DOCK2: variants seen among roughly 807,000 people sequenced by gnomAD.
The protein encoded by DOCK2 is dedicator of cytokinesis 2, also known as dedicator of cytokinesis protein 2.
Under a neutral mutation model 248.9 loss-of-function variants are expected in DOCK2, and 87 were observed. That is an observed-to-expected ratio of 0.35 (90% CI 0.29 to 0.42). The LOEUF (loss-of-function observed/expected upper bound fraction) is 0.42. Among genes scored for constraint, DOCK2 ranks in the 10% least tolerant of loss-of-function variants. The probability of loss-of-function intolerance (pLI) is 1.00; values close to 1 mark genes in which losing one functional copy is unlikely to be tolerated. For missense variants in DOCK2, 1,747 were observed against 2,300.2 expected (o/e 0.76, Z 4.92); for synonymous variants, 805 against 821.6 (o/e 0.98, Z 0.35).
At chr5:170,035,496 C>T (rs375950817) in intron 35 of DOCK2, among the ~76,000 whole-genome samples, 7 of 152,152 alleles carry the variant, frequency 4.6e-5, no homozygotes, top group Middle Eastern at 3.2e-3. Context: ...TTGCTAATAA[C>T]TCCACCAGGC....
chr5:169,814,251 C>T (rs1031339160), intron 26 of DOCK2, among the ~76,000 whole-genome samples: 2 of 152,148 alleles, frequency 1.3e-5, no homozygotes, highest in South Asian at 2.1e-4. Flanking sequence ...CCTCCTGACA[C>T]GATGCACTGA....
At chr5:169,881,429 G>A in intron 27 of DOCK2, 3 of 1,551,458 alleles carry the variant, frequency 1.9e-6, no homozygotes, top group Non-Finnish European at 1.7e-6. Context: ...TGGCCAGTTC[G>A]ATAAAAGTTG....
intron 27 of DOCK2, among the ~76,000 whole-genome samples, chr5:169,956,692 T>G (rs1258812791): frequency 1.3e-5 from 2 of 152,212 alleles, no homozygotes; most frequent in African/African-American, 4.8e-5. Context: ...GGGGATGCCC[T>G]TAAATTCACC....
Position 169,759,903 on chromosome 5 carries a change from A to T in DOCK2, c.2447+128A>T, listed in dbSNP as rs1262751785. The T allele has an allele frequency of 9.1e-6, 9 of 992,142 alleles. No individual in the cohort carries two copies. In the African/African-American group the frequency reaches 9.8e-5, roughly 11 times the overall value. The allele number at this position is 992,142 out of a possible 1,614,324, so 61.5% of individuals were successfully genotyped here. On this transcript the variant is annotated intron_variant, in intron 24 of 51. Coordinates refer to ENST00000520908, the MANE Select transcript of DOCK2 (RefSeq NM_004946.3). ...GGATGGGGAAGACCTGTGGCAGGGG[A>T]TGTTTTCAGGGTTTCCGGTGTGGTA...
intron 36 of DOCK2, among the ~76,000 whole-genome samples, chr5:170,039,634 C>A (rs1756446556): frequency 6.6e-6 from 1 of 152,232 alleles, no homozygotes. Context: ...TTTCAGGCAG[C>A]CTACATTTGA....
intron 27 of DOCK2, among the ~76,000 whole-genome samples, chr5:169,978,509 A>C (rs1051723666): frequency 6.6e-6 from 1 of 151,858 alleles, no homozygotes; most frequent in Non-Finnish European, 1.5e-5. Flanking sequence ...GATGATGATG[A>C]ATTTTTTAAT....
chr5:170,038,036 A>G (rs1756381047), intron 36 of DOCK2, among the ~76,000 whole-genome samples: 1 of 152,144 alleles, frequency 6.6e-6, no homozygotes, highest in African/African-American at 2.4e-5. Flanking sequence ...GGTTGTCCTG[A>G]GTTTGGGATA....
intron 32 of DOCK2, among the ~76,000 whole-genome samples, chr5:170,015,543 C>T (rs540293552): frequency 6.7e-6 from 1 of 149,472 alleles, no homozygotes; most frequent in African/African-American, 2.5e-5. Context: ...TCTGTCTTCC[C>T]CTTTTGAACT....
At chr5:170,009,048 G>A (rs1009255409) in intron 32 of DOCK2, among the ~76,000 whole-genome samples, 3 of 151,898 alleles carry the variant, frequency 2.0e-5, no homozygotes, top group East Asian at 1.9e-4. Flanking sequence ...GGGAACTCAC[G>A]TGCTCACACA....
chr5:170,069,246 A>G, intron 46 of DOCK2, 26 bp downstream of exon 46: 1 of 1,610,842 alleles, frequency 6.2e-7, no homozygotes. Context: ...CCAGGGGAGC[A>G]TGCTGCTCTC....
intron 17 of DOCK2, among the ~76,000 whole-genome samples, 153 bp from the exon 18 acceptor site, chr5:169,713,875 G>C (rs1581081443): frequency 6.6e-6 from 1 of 152,232 alleles, no homozygotes; most frequent in East Asian, 1.9e-4. Context: ...AAACAGTCCT[G>C]CCTCACCAGC....
At chr5:169,733,454 C>G (rs1239099490) in intron 22 of DOCK2, among the ~76,000 whole-genome samples, 4 of 150,596 alleles carry the variant, frequency 2.7e-5, no homozygotes, top group Non-Finnish European at 5.9e-5. Context: ...TATGTTTTTA[C>G]CAATAAAAGT....
chr5:170,009,933 C>T (rs907000319), intron 32 of DOCK2, among the ~76,000 whole-genome samples: 24 of 152,186 alleles, frequency 1.6e-4, no homozygotes, highest in Non-Finnish European at 2.6e-4. Context: ...GACCCAAGCC[C>T]AGAACAGACT....
At chr5:169,674,222 C>T in intron 5 of DOCK2, 75 bp from the exon 6 acceptor site, 1 of 1,565,566 alleles carries the variant, frequency 6.4e-7, no homozygotes, top group South Asian at 1.2e-5. Flanking sequence ...ACTCACCTGA[C>T]TTTGGCACAG....
rs768652935 is a variant in DOCK2 at position 169,702,966 on chromosome 5, T to TA, written c.1383+540dup. ...TGGTCTCCAGAGAGCTAGCAGGGTG[T>TA]ATTCAGGAATGCAAAGCGCATTGCT... On this transcript the variant is annotated intron_variant, in intron 14 of 51. Transcript: ENST00000520908. Among the ~76,000 whole-genome samples the TA allele has an allele frequency of 5.3e-5, 8 of 152,328 alleles. No individual in the cohort carries two copies. The East Asian group carries it at 1.5e-3, about 29-fold the overall frequency.
intron 28 of DOCK2, among the ~76,000 whole-genome samples, chr5:169,984,999 A>G (rs926767986): frequency 3.3e-5 from 5 of 152,178 alleles, no homozygotes; most frequent in Non-Finnish European, 5.9e-5. Flanking sequence ...GCTCACTGCA[A>G]CCTCCGCCTC....
intron 22 of DOCK2, among the ~76,000 whole-genome samples, chr5:169,726,732 C>A (rs1448040922): frequency 6.6e-6 from 1 of 152,130 alleles, no homozygotes; most frequent in East Asian, 1.9e-4. Context: ...ATGTAGTGGA[C>A]AAGATAAACA....
At chr5:169,713,686 C>G (rs577942306) in intron 17 of DOCK2, among the ~76,000 whole-genome samples, 2 of 152,238 alleles carry the variant, frequency 1.3e-5, no homozygotes, top group South Asian at 4.1e-4. Flanking sequence ...AAGCTAGAGT[C>G]CTTATTTTGC....
At chr5:169,719,935 G>A (rs1253670001) in intron 22 of DOCK2, among the ~76,000 whole-genome samples, 1 of 150,634 alleles carries the variant, frequency 6.6e-6, no homozygotes, top group African/African-American at 2.5e-5. Flanking sequence ...AAAAAAAAAA[G>A]ACCATCATTG....
Sources: gnomAD v4.1 joint callset for allele counts (sites outside exome capture counted in the v4.1 genomes callset) on GRCh38, gnomAD v4.1.1 for gene constraint, MANE v1.5 for transcripts, NCBI Gene and HGNC (gene_info 2026-07-23, HGNC 2026-07-21) for gene names.